The following PRKDC variants were observed in gnomAD, a reference collection of about 807,000 sequenced individuals.
PRKDC encodes DNA-dependent protein kinase catalytic subunit.
In PRKDC, 82 loss-of-function variants were observed where a neutral mutation model predicts 486.9. That is an observed-to-expected ratio of 0.17 (90% CI 0.14 to 0.20). The LOEUF is 0.20. PRKDC is among the 10% of genes least tolerant of loss of function. The pLI, the probability that PRKDC is intolerant of heterozygous loss-of-function variation, is 1.00. For synonymous variants in PRKDC, 1,895 were observed against 1,837.0 expected (o/e 1.03, Z -0.81); for missense variants, 4,504 against 5,038.2 (o/e 0.89, Z 3.21).
At chr8:47,800,476 G>A (rs1371631967) in intron 71 of PRKDC, among the ~76,000 whole-genome samples, 1 of 151,198 alleles carries the variant, frequency 6.6e-6, no homozygotes, top group Non-Finnish European at 1.5e-5. Context: ...GGGGAAGGGG[G>A]AGGGATAGCA....
chr8:47,789,494 C>T (rs865987683), intron 74 of PRKDC, among the ~76,000 whole-genome samples: 5 of 151,782 alleles, frequency 3.3e-5, no homozygotes, highest in East Asian at 1.9e-4. Flanking sequence ...GAATTAATAC[C>T]GATCCTACTC....
At chr8:47,854,468 A>T (rs1376514085) in intron 50 of PRKDC, among the ~76,000 whole-genome samples, 8 of 152,048 alleles carry the variant, frequency 5.3e-5, no homozygotes, top group African/African-American at 7.2e-5. Flanking sequence ...CCTCCCAAGC[A>T]GCTGGGACTA....
In PRKDC at chr8:47,934,105, A is replaced by T; in HGVS notation, c.1498-15T>A. 1.2e-6 allele frequency: 2 copies of T among 1,609,412 alleles called. No individual in the cohort carries two copies. Among genetic ancestry groups the T allele is most frequent in the Non-Finnish European group, 1.7e-6 (2 of 1,177,724 alleles). On this transcript the variant is annotated splice_polypyrimidine_tract_variant and intron_variant, in intron 14 of 85. Transcript: ENST00000314191. ...GACTCAGGGCCCTGGCCAGAAAGAC[A>T]GCATGACAATATGTAGTGATGGATT... is the stretch of plus-strand genomic sequence containing the variant.
intron 16 of PRKDC, among the ~76,000 whole-genome samples, chr8:47,932,448 A>C (rs1374504423): frequency 1.3e-5 from 2 of 151,860 alleles, no homozygotes; most frequent in African/African-American, 2.4e-5. Flanking sequence ...CAATCTCCTG[A>C]CCTCGTGATC....
chr8:47,836,600 T>G, intron 57 of PRKDC, 73 bp from the exon 58 acceptor site: 1 of 1,292,462 alleles, frequency 7.7e-7, no homozygotes, highest in Non-Finnish European at 1.1e-6. Flanking sequence ...AACACTGATA[T>G]ATTTCTATTT....
rs56405602 is a variant in PRKDC, at chr8:47,777,770, G to C, written c.11958C>G (p.His3986Gln). ...ETGLMYSIMV[H>Q]ALRAFRSDPG... ...GGTCTGAGCGGAAGGCCCGGAGTGC[G>C]TGTACCATGATGCTGTACATAAGGC... Residue 3986 changes from histidine (H) to glutamine (Q), a missense_variant, in exon 84 of 86, where the codon CAC becomes CAG. Around this residue, in one of 6 missense-constraint regions of PRKDC, gnomAD observed 706 missense variants for 945.0 expected, o/e 0.75. Coordinates refer to ENST00000314191, the MANE Select transcript of PRKDC (RefSeq NM_006904.7). The C allele has an allele frequency of 6.2e-7, 1 of 1,613,982 alleles. No individual in the cohort carries two copies. The highest frequency in any genetic ancestry group is 8.5e-7 in the Non-Finnish European group (1 of 1,179,880).
intron 62 of PRKDC, 73 bp from the exon 63 acceptor site, chr8:47,826,934 C>T (rs2087751732): frequency 5.0e-6 from 7 of 1,391,554 alleles, no homozygotes; most frequent in South Asian, 4.3e-5. Flanking sequence ...GAGTAACATA[C>T]TTTACTAAAC....
chr8:47,791,246 G>A (rs530761433), intron 74 of PRKDC, among the ~76,000 whole-genome samples: 1 of 152,292 alleles, frequency 6.6e-6, no homozygotes, highest in Admixed American at 6.5e-5. Context: ...GGAGGCCAAG[G>A]TGGGCAGATC....
intron 67 of PRKDC, among the ~76,000 whole-genome samples, chr8:47,818,470 T>C (rs1165107451): frequency 6.6e-6 from 1 of 151,018 alleles, no homozygotes; most frequent in East Asian, 2.0e-4. Flanking sequence ...TCCCAGCTAC[T>C]TGGGAGGCTG....
At chr8:47,955,190 C>T (rs1437962616) in intron 4 of PRKDC, among the ~76,000 whole-genome samples, 2 of 150,570 alleles carry the variant, frequency 1.3e-5, no homozygotes, top group Non-Finnish European at 3.0e-5. Context: ...GGGCCGGGCG[C>T]GGTGGCTCAC....
chr8:47,924,009 CTT>C (rs2090116706), intron 21 of PRKDC, among the ~76,000 whole-genome samples: 1 of 152,164 alleles, frequency 6.6e-6, no homozygotes, highest in Non-Finnish European at 1.5e-5. Context: ...CACTAGGAAA[CTT>C]TAACTTACTC....
At chr8:47,815,035 G>A (rs997796664) in intron 68 of PRKDC, among the ~76,000 whole-genome samples, 15 of 152,028 alleles carry the variant, frequency 9.9e-5, no homozygotes, top group African/African-American at 2.9e-4. Flanking sequence ...GCATGGTGGC[G>A]CACGCCTGTG....
At chr8:47,825,355 A>G (rs949280391) in intron 63 of PRKDC, among the ~76,000 whole-genome samples, 90 of 152,124 alleles carry the variant, frequency 5.9e-4, no homozygotes, top group Middle Eastern at 3.4e-3. Context: ...CTAAAAATAC[A>G]AAAATTAGCT....
rs764309314 is a variant in PRKDC, at chr8:47,930,701, C to T, written c.1863G>A (p.Ser621=). 8.9e-6 allele frequency: 14 copies of T among 1,581,164 alleles called. No individual in the cohort carries two copies. The highest frequency in any genetic ancestry group is 1.7e-4 in the Middle Eastern group (1 of 6,038). The change falls in exon 17 of 86, where the codon TCG becomes TCA. Residue 621 remains serine (S), a synonymous_variant. Transcript: ENST00000314191. ...NLHPAKPKDF[S]AFINLVEFCR... ...AAAATTCCACCAGGTTAATGAAAGC[C>T]GAAAAATCTTTAGGTTTAGCTGGAT...
Position 47,782,883 on chromosome 8 carries a change from T to C in PRKDC, c.11176-285A>G, listed in dbSNP as rs2058340147. The C allele has an allele frequency of 2.1e-6, 1 of 483,472 alleles. No individual in the cohort carries two copies. The highest frequency in any genetic ancestry group is 1.9e-5 in the African/African-American group (1 of 51,798). 29.9% of individuals were successfully genotyped at this position (483,472 alleles called of 1,614,324 possible). On this transcript the variant is annotated intron_variant, in intron 78 of 85. Transcript: ENST00000314191. The surrounding 1 kb of genome is among the most constrained non-coding windows in gnomAD (Gnocchi z 4.9). ...CAAACTTTCTACAGTAGTAAGCTAA[T>C]GCTACACATATTTTATAGTGGATAC...
At chr8:47,796,182 G>A (rs1198780356) in intron 73 of PRKDC, among the ~76,000 whole-genome samples, 1 of 151,562 alleles carries the variant, frequency 6.6e-6, no homozygotes, top group East Asian at 1.9e-4. Flanking sequence ...CATGAGCCAC[G>A]GTAAAGAATT....
At chr8:47,822,124 C>G (rs920606505) in intron 64 of PRKDC, among the ~76,000 whole-genome samples, 2 of 152,158 alleles carry the variant, frequency 1.3e-5, no homozygotes, top group Middle Eastern at 6.8e-3. Context: ...CGCAAAAACT[C>G]TCTACAAAAA....
Position 47,782,371 on chromosome 8 carries a change from C to G in PRKDC, c.11396+7G>C. On this transcript the variant is annotated splice_region_variant and intron_variant, in intron 79 of 85. Coordinates refer to ENST00000314191, the MANE Select transcript of PRKDC (RefSeq NM_006904.7). This position sits in a 1 kb window ranked among gnomAD's most constrained non-coding sequence, Gnocchi z 4.9. ...AGCCTACTGGCTGGGAGCAGCCTGG[C>G]AGTTACCTGGAGGTCATGGGCACAA... 6.2e-7 allele frequency: 1 copy of G among 1,606,554 alleles called. No homozygotes were observed. The highest frequency in any genetic ancestry group is 8.5e-7 in the Non-Finnish European group (1 of 1,176,578).
intron 62 of PRKDC, 103 bp downstream of exon 62, chr8:47,828,065 C>T (rs2087776624): frequency 9.0e-7 from 1 of 1,110,528 alleles, no homozygotes; most frequent in East Asian, 2.6e-5. Context: ...TGTTAAACAC[C>T]AGGTTATCAA....
Sources: gnomAD v4.1 joint callset for allele counts (sites outside exome capture counted in the v4.1 genomes callset) on GRCh38, gnomAD v4.1.1 for gene constraint, gnomAD v4.1.1 regional missense constraint, Gnocchi (gnomAD v3.1) non-coding constraint, MANE v1.5 for transcripts, NCBI Gene and HGNC (gene_info 2026-07-23, HGNC 2026-07-21) for gene names.